THSD7A: variants seen among roughly 807,000 people sequenced by gnomAD.
THSD7A encodes thrombospondin type 1 domain containing 7A.
In THSD7A, 96 loss-of-function variants were observed where a neutral mutation model predicts 231.3. The ratio of observed to expected loss-of-function variants is 0.41; its 90% CI spans 0.35 to 0.49. The LOEUF (loss-of-function observed/expected upper bound fraction) is 0.49. Ranked by LOEUF, THSD7A falls within the 20% of genes least tolerant of loss-of-function variation. The pLI is 0.05. For missense variants in THSD7A, 2,290 were observed against 2,070.2 expected (o/e 1.11, Z -2.06); for synonymous variants, 940 against 743.3 (o/e 1.26, Z -4.30).
chr7:11,810,844 A>G (rs941300461), intron 1 of THSD7A, among the ~76,000 whole-genome samples: 6 of 152,160 alleles, frequency 3.9e-5, no homozygotes, highest in African/African-American at 1.2e-4. Context: ...AATGTAGAAA[A>G]CCATTCAGAA....
intron 4 of THSD7A, among the ~76,000 whole-genome samples, chr7:11,565,309 A>G (rs1435772377): frequency 6.6e-6 from 1 of 152,196 alleles, no homozygotes; most frequent in Non-Finnish European, 1.5e-5. Flanking sequence ...TCTAATCAAA[A>G]AAGTTCTGCA....
intron 1 of THSD7A, among the ~76,000 whole-genome samples, chr7:11,819,505 C>A (rs147770948): frequency 0.011 from 1,683 of 152,202 alleles, 24 homozygotes; most frequent in African/African-American, 0.038. Context: ...AGCTGTCAAG[C>A]CACGAAAAGG....
At chr7:11,543,223 G>T in intron 4 of THSD7A, 106 bp from the exon 5 acceptor site, 1 of 949,966 alleles carries the variant, frequency 1.1e-6, no homozygotes, top group Non-Finnish European at 1.6e-6. Flanking sequence ...TTAAAGAAGT[G>T]CTACCAAGAC....
At chr7:11,662,695 AG>A (rs1414156730) in intron 1 of THSD7A, among the ~76,000 whole-genome samples, 1 of 151,378 alleles carries the variant, frequency 6.6e-6, no homozygotes, top group Non-Finnish European at 1.5e-5. Context: ...TAAACCTCAA[AG>A]GATTGAAATT....
intron 6 of THSD7A, among the ~76,000 whole-genome samples, chr7:11,511,001 T>C (rs982298026): frequency 6.6e-6 from 1 of 152,168 alleles, no homozygotes; most frequent in Admixed American, 6.5e-5. Flanking sequence ...TTGTCCCTGT[T>C]TGCAGATGAC....
At chr7:11,549,741 G>C (rs1351347877) in intron 4 of THSD7A, among the ~76,000 whole-genome samples, 1 of 151,818 alleles carries the variant, frequency 6.6e-6, no homozygotes, top group East Asian at 1.9e-4. Flanking sequence ...GACACAGGGA[G>C]GGGAACAACA....
At chr7:11,514,162 A>C (rs1034551230) in intron 6 of THSD7A, among the ~76,000 whole-genome samples, 2 of 152,068 alleles carry the variant, frequency 1.3e-5, no homozygotes, top group Non-Finnish European at 2.9e-5. Context: ...TGACCACTCA[A>C]AATAAAATAA....
At chr7:11,756,845 A>AT (rs1782694439) in intron 1 of THSD7A, among the ~76,000 whole-genome samples, 1 of 152,024 alleles carries the variant, frequency 6.6e-6, no homozygotes, top group Non-Finnish European at 1.5e-5. Context: ...TCAAAACAGC[A>AT]TTTTGTTTTA....
At chr7:11,743,714 T>G (rs1271293406) in intron 1 of THSD7A, among the ~76,000 whole-genome samples, 3 of 151,812 alleles carry the variant, frequency 2.0e-5, no homozygotes, top group African/African-American at 7.3e-5. Flanking sequence ...TGTTAGTAAA[T>G]AGAGGTCTGT....
At position 11,409,510 on chromosome 7, in the gene THSD7A, G is replaced by A. The variant is rs139281794; in HGVS notation, c.3798+1697C>T. Among the ~76,000 whole-genome samples the A allele has an allele frequency of 1.5e-4, 23 of 152,224 alleles. No homozygotes were observed. The East Asian group carries it at 2.5e-3, about 17-fold the overall frequency. On this transcript the variant is annotated intron_variant, in intron 19 of 27. Transcript: ENST00000423059. Reference sequence around the variant, plus strand: ...ATTTCCCAGGTTTTTACTCATATTCGATGTAAGAAATCAAGAATTCGGTTT... The same window carrying A: ...ATTTCCCAGGTTTTTACTCATATTCAATGTAAGAAATCAAGAATTCGGTTT...
At chr7:11,390,766 A>ATGGGGTCTCT (rs1782950315) in intron 23 of THSD7A, among the ~76,000 whole-genome samples, 1 of 152,066 alleles carries the variant, frequency 6.6e-6, no homozygotes, top group Non-Finnish European at 1.5e-5. Context: ...TGACCTTCGG[A>ATGGGGTCTCT]TGGGGTCTCT....
At chr7:11,744,330 T>C (rs1467344) in intron 1 of THSD7A, among the ~76,000 whole-genome samples, 36,876 of 151,810 alleles carry the variant, frequency 0.24, 6,930 homozygotes, top group African/African-American at 0.53. Flanking sequence ...TTTACCATTA[T>C]ATTAAAAGAT....
At chr7:11,417,626 T>G in intron 16 of THSD7A, 23 bp from the exon 17 acceptor site, 1 of 1,591,930 alleles carries the variant, frequency 6.3e-7, no homozygotes, top group South Asian at 1.1e-5. Context: ...ATAAACATAT[T>G]CTAGAAAATA....
At chr7:11,830,280 C>T (rs570776486) in intron 1 of THSD7A, among the ~76,000 whole-genome samples, 17 of 152,298 alleles carry the variant, frequency 1.1e-4, no homozygotes, top group African/African-American at 3.8e-4. Flanking sequence ...TGTTACTTTG[C>T]TAGTATAAAT....
chr7:11,496,141 T>C (rs1787089033), intron 6 of THSD7A, among the ~76,000 whole-genome samples: 1 of 152,176 alleles, frequency 6.6e-6, no homozygotes, highest in Non-Finnish European at 1.5e-5. Context: ...TTGCTGACTT[T>C]TATTGTGCAA....
In THSD7A at chr7:11,528,773, A is replaced by C. The variant is rs146235788; in HGVS notation, c.1822+12646T>G. Among the ~76,000 whole-genome samples, 507 of 152,258 alleles carry C rather than the reference A, an allele frequency of 3.3e-3. 2 individuals carry two copies. Among genetic ancestry groups the C allele is most frequent in the African/African-American group, 0.011 (477 of 41,564 alleles). ...TTCAACCATAGGTGCTCCTGAGATA[A>C]GAAATCTCATATTGAGAATCAAAGG... On this transcript the variant is annotated intron_variant, in intron 6 of 27. Transcript: ENST00000423059.
At chr7:11,563,029 G>A (rs778716816) in intron 4 of THSD7A, among the ~76,000 whole-genome samples, 2 of 152,170 alleles carry the variant, frequency 1.3e-5, no homozygotes, top group Non-Finnish European at 2.9e-5. Flanking sequence ...TTGGCGTCAA[G>A]CAAATAAAGA....
At chr7:11,783,763 A>C (rs1489754696) in intron 1 of THSD7A, among the ~76,000 whole-genome samples, 1 of 152,138 alleles carries the variant, frequency 6.6e-6, no homozygotes, top group Non-Finnish European at 1.5e-5. Context: ...ATACTCCCTA[A>C]ATAGTCCAAA....
intron 1 of THSD7A, among the ~76,000 whole-genome samples, chr7:11,818,143 T>C (rs1350525519): frequency 6.6e-6 from 1 of 152,180 alleles, no homozygotes; most frequent in Non-Finnish European, 1.5e-5. Flanking sequence ...AGAACATACC[T>C]ACAAACACAT....
Sources: gnomAD v4.1 joint callset for allele counts (sites outside exome capture counted in the v4.1 genomes callset) on GRCh38, gnomAD v4.1.1 for gene constraint, MANE v1.5 for transcripts, NCBI Gene and HGNC (gene_info 2026-07-23, HGNC 2026-07-21) for gene names.